The following MARCHF1 variants were observed in gnomAD, a reference collection of about 807,000 sequenced individuals.
MARCHF1 encodes the protein E3 ubiquitin-protein ligase MARCHF1.
A neutral mutation model predicts 54.2 loss-of-function variants in MARCHF1; 40 were observed. That is an observed-to-expected ratio of 0.74 (90% CI 0.57 to 0.96). MARCHF1 has a LOEUF of 0.96. MARCHF1 is among the 40% of genes least tolerant of loss of function. MARCHF1 has a pLI of 0.00. For missense variants in MARCHF1, 586 were observed against 656.5 expected (o/e 0.89, Z 1.17); for synonymous variants, 236 against 236.3 (o/e 1.00, Z 0.01).
chr4:164,337,637 T>C (rs1729776518), intron 1 of MARCHF1, among the ~76,000 whole-genome samples: 1 of 152,230 alleles, frequency 6.6e-6, no homozygotes, highest in South Asian at 2.1e-4. Flanking sequence ...GTACACCTCC[T>C]AACTAGCCTA....
intron 2 of MARCHF1, among the ~76,000 whole-genome samples, chr4:164,054,805 C>A (rs1406350418): frequency 1.4e-5 from 2 of 145,478 alleles, no homozygotes; most frequent in African/African-American, 5.1e-5. Context: ...GGAGGGATAG[C>A]ATTGGGAGAT....
intron 3 of MARCHF1, among the ~76,000 whole-genome samples, chr4:163,866,430 T>C (rs1026137711): frequency 2.3e-5 from 3 of 130,122 alleles, no homozygotes; most frequent in Non-Finnish European, 5.1e-5. Flanking sequence ...GAAAAGAGAC[T>C]ATATGGAATT....
At chr4:164,019,721 A>G (rs1260267334) in intron 2 of MARCHF1, among the ~76,000 whole-genome samples, 1 of 152,188 alleles carries the variant, frequency 6.6e-6, no homozygotes, top group African/African-American at 2.4e-5. Flanking sequence ...ATAAATATAT[A>G]CTTAAAACAC....
intron 1 of MARCHF1, among the ~76,000 whole-genome samples, chr4:164,141,783 A>T (rs1560923560): frequency 6.6e-6 from 1 of 152,228 alleles, no homozygotes; most frequent in African/African-American, 2.4e-5. Flanking sequence ...ATATTTTAAA[A>T]GTCAGTTAAA....
intron 1 of MARCHF1, chr4:164,197,297 T>C: frequency 6.2e-7 from 1 of 1,611,830 alleles, no homozygotes; most frequent in Non-Finnish European, 8.5e-7. Flanking sequence ...TCGAGATATG[T>C]GAGTTGCAGG....
intron 3 of MARCHF1, among the ~76,000 whole-genome samples, chr4:163,985,746 C>T (rs527536041): frequency 6.6e-6 from 1 of 152,242 alleles, no homozygotes; most frequent in East Asian, 1.9e-4. Context: ...AAATTAATTA[C>T]AACTAAATTC....
At chr4:163,681,494 T>G (rs188962525) in intron 5 of MARCHF1, among the ~76,000 whole-genome samples, 1 of 152,142 alleles carries the variant, frequency 6.6e-6, no homozygotes, top group Non-Finnish European at 1.5e-5. Flanking sequence ...ATAATCCCCA[T>G]ATGTCATGGG....
At chr4:163,802,680 A>C (rs1748114643) in intron 4 of MARCHF1, among the ~76,000 whole-genome samples, 1 of 152,182 alleles carries the variant, frequency 6.6e-6, no homozygotes, top group Non-Finnish European at 1.5e-5. Flanking sequence ...TCATCAACCA[A>C]AATTTCACTT....
Position 163,545,691 on chromosome 4 carries a change from A to G in MARCHF1, c.1244T>C (p.Val415Ala). The G allele has an allele frequency of 6.2e-7, 1 of 1,614,126 alleles. No individual in the cohort carries two copies. Among genetic ancestry groups the G allele is most frequent in the Non-Finnish European group, 8.5e-7 (1 of 1,179,976 alleles). The change falls in exon 9 of 10, where the codon GTC becomes GCC. Residue 415 changes from valine (V) to alanine (A), a missense_variant. Around this residue, in one of 3 missense-constraint regions of MARCHF1, gnomAD observed 93 missense variants for 168.2 expected, o/e 0.55. Transcript: ENST00000514618. Reference protein sequence around the residue: ...TSERRKIFCSVTFHVIAITCV... With the variant: ...TSERRKIFCSATFHVIAITCV... Reference sequence around the variant, plus strand: ...GGTGATCGCGATTACGTGGAATGTGACAGAGCAGAATATTTTCCTCCTTTC... The same window carrying G: ...GGTGATCGCGATTACGTGGAATGTGGCAGAGCAGAATATTTTCCTCCTTTC...
intron 1 of MARCHF1, among the ~76,000 whole-genome samples, chr4:164,161,977 A>G (rs1179140275): frequency 6.6e-6 from 1 of 152,160 alleles, no homozygotes; most frequent in African/African-American, 2.4e-5. Context: ...AATTCCCATA[A>G]ATGAAGCTCC....
intron 1 of MARCHF1, among the ~76,000 whole-genome samples, chr4:164,255,873 G>A (rs1235466020): frequency 1.3e-5 from 2 of 152,108 alleles, no homozygotes; most frequent in Admixed American, 6.6e-5. Flanking sequence ...GAAATGTATT[G>A]AGGTTATGAA....
intron 3 of MARCHF1, among the ~76,000 whole-genome samples, chr4:163,981,218 A>C (rs1175905538): frequency 1.3e-5 from 2 of 152,084 alleles, no homozygotes; most frequent in African/African-American, 4.8e-5. Context: ...TAAAGAATGC[A>C]GCATGTTGCT....
chr4:164,338,576 C>T (rs191314392), intron 1 of MARCHF1, among the ~76,000 whole-genome samples: 71 of 151,904 alleles, frequency 4.7e-4, no homozygotes, highest in African/African-American at 1.7e-3. Context: ...AAATTTCACA[C>T]AAATGGAAAC....
At chr4:163,918,814 T>C (rs180833684) in intron 3 of MARCHF1, among the ~76,000 whole-genome samples, 39 of 152,224 alleles carry the variant, frequency 2.6e-4, no homozygotes, top group African/African-American at 8.9e-4. Context: ...ATTTTTTCAA[T>C]GTAAGCTCTG....
chr4:164,303,235 A>C (rs1438627869), intron 1 of MARCHF1, among the ~76,000 whole-genome samples: 1 of 152,198 alleles, frequency 6.6e-6, no homozygotes, highest in Non-Finnish European at 1.5e-5. Context: ...TGACCTATGG[A>C]ACATGGAAGG....
chr4:164,367,820 AGT>A (rs1730919254), intron 1 of MARCHF1, among the ~76,000 whole-genome samples: 1 of 151,948 alleles, frequency 6.6e-6, no homozygotes, highest in African/African-American at 2.4e-5. Flanking sequence ...GCATGAGTCC[AGT>A]GCAGGAAGGT....
At chr4:163,779,280 A>C (rs925850544) in intron 4 of MARCHF1, among the ~76,000 whole-genome samples, 15 of 152,188 alleles carry the variant, frequency 9.9e-5, no homozygotes, top group Non-Finnish European at 2.2e-4. Flanking sequence ...TGATATAAAA[A>C]ATTGGAGTGT....
intron 2 of MARCHF1, among the ~76,000 whole-genome samples, chr4:164,033,397 G>C (rs1349890393): frequency 1.3e-5 from 2 of 152,092 alleles, no homozygotes; most frequent in African/African-American, 4.8e-5. Context: ...ACCTAAAGCA[G>C]TTGCAACAAA....
chr4:163,672,041 G>A (rs1057288836), intron 5 of MARCHF1, among the ~76,000 whole-genome samples: 1 of 152,094 alleles, frequency 6.6e-6, no homozygotes, highest in Admixed American at 6.6e-5. Flanking sequence ...GTTTACTCCA[G>A]GGTTGTTTAT....
Sources: allele counts gnomAD v4.1 joint callset (sites outside exome capture counted in the v4.1 genomes callset), GRCh38; gene constraint gnomAD v4.1.1; regional missense constraint gnomAD v4.1.1; transcripts MANE v1.5; gene names NCBI Gene and HGNC (gene_info 2026-07-23, HGNC 2026-07-21).